Variants in ERP44 observed in about 807,000 individuals in gnomAD.
ERP44 encodes endoplasmic reticulum resident protein 44.
A neutral mutation model predicts 53.4 loss-of-function variants in ERP44; 25 were observed. The observed-to-expected ratio is 0.47, with a 90% CI of 0.34 to 0.65. The LOEUF is 0.65. Ranked by LOEUF, ERP44 falls within the 30% of genes least tolerant of loss-of-function variation. The probability of loss-of-function intolerance (pLI) is 0.01; values close to 1 mark genes in which losing one functional copy is unlikely to be tolerated. For synonymous variants in ERP44, 145 were observed against 161.2 expected (o/e 0.90, Z 0.76); for missense variants, 338 against 493.2 (o/e 0.69, Z 2.98).
At chr9:100,038,192 CACAG>C (rs930534843) in intron 4 of ERP44, among the ~76,000 whole-genome samples, 5 of 152,158 alleles carry the variant, frequency 3.3e-5, no homozygotes, top group African/African-American at 9.6e-5. Context: ...ATAGAAAGTA[CACAG>C]ACAAACAGAA....
chr9:100,016,176 T>A, intron 8 of ERP44, 146 bp downstream of exon 8: 8 of 1,251,138 alleles, frequency 6.4e-6, no homozygotes, highest in Non-Finnish European at 8.4e-6. Flanking sequence ...CACTGGTGTA[T>A]ATTACAGAAA....
chr9:100,085,010 T>A (rs1487172973), intron 1 of ERP44, among the ~76,000 whole-genome samples: 3 of 152,150 alleles, frequency 2.0e-5, no homozygotes, highest in Admixed American at 1.3e-4. Context: ...ATGGTACAAA[T>A]GAAGAAGAAA....
intron 1 of ERP44, among the ~76,000 whole-genome samples, chr9:100,079,749 C>G (rs1324637531): frequency 6.6e-6 from 1 of 151,954 alleles, no homozygotes; most frequent in Non-Finnish European, 1.5e-5. Flanking sequence ...GCCTAGTCAG[C>G]ACAGCAAGAC....
intron 4 of ERP44, among the ~76,000 whole-genome samples, chr9:100,033,264 C>T (rs552631447): frequency 5.3e-5 from 8 of 152,230 alleles, no homozygotes; most frequent in East Asian, 1.9e-4. Flanking sequence ...AAGGAATCAA[C>T]GTTGACTTGT....
chr9:100,009,916 A>T (rs1435646389), intron 8 of ERP44, among the ~76,000 whole-genome samples: 1 of 149,776 alleles, frequency 6.7e-6, no homozygotes, highest in Non-Finnish European at 1.5e-5. Flanking sequence ...CTCTCATTCC[A>T]CTCCATCCCT....
At chr9:100,011,956 GA>G (rs1830480720) in intron 8 of ERP44, among the ~76,000 whole-genome samples, 1 of 152,084 alleles carries the variant, frequency 6.6e-6, no homozygotes, top group African/African-American at 2.4e-5. Flanking sequence ...CTAAAACTCT[GA>G]AATGCTCCAA....
chr9:100,052,370 G>T, intron 4 of ERP44, 47 bp downstream of exon 4: 1 of 922,906 alleles, frequency 1.1e-6, no homozygotes, highest in Non-Finnish European at 1.6e-6. Context: ...GTGTGCCTGT[G>T]TTTGGGATGG....
intron 10 of ERP44, among the ~76,000 whole-genome samples, chr9:99,986,915 A>C (rs1830201249): frequency 6.6e-6 from 1 of 152,232 alleles, no homozygotes; most frequent in Admixed American, 6.5e-5. Flanking sequence ...AAATATATCC[A>C]TTCAATCCAT....
At chr9:100,005,991 G>C (rs1315374420) in intron 10 of ERP44, among the ~76,000 whole-genome samples, 4 of 152,118 alleles carry the variant, frequency 2.6e-5, no homozygotes, top group Non-Finnish European at 5.9e-5. Flanking sequence ...TCTGAGAATT[G>C]AGTCAGAAAG....
At chr9:100,022,994 C>T (rs1261314164) in intron 4 of ERP44, among the ~76,000 whole-genome samples, 1 of 152,050 alleles carries the variant, frequency 6.6e-6, no homozygotes, top group Non-Finnish European at 1.5e-5. Context: ...ACAACGGGAA[C>T]AACTGGTCAT....
intron 1 of ERP44, among the ~76,000 whole-genome samples, chr9:100,095,074 T>G (rs1041815754): frequency 2.0e-5 from 3 of 151,954 alleles, no homozygotes; most frequent in Admixed American, 1.3e-4. Context: ...CTTTACAGAT[T>G]TAGTTTTGGA....
intron 1 of ERP44, among the ~76,000 whole-genome samples, chr9:100,081,118 C>A (rs1053124927): frequency 2.6e-5 from 4 of 151,986 alleles, no homozygotes; most frequent in Admixed American, 2.6e-4. Context: ...TTTAACTGAT[C>A]TATTAAAAGT....
At chr9:100,073,427 T>G (rs899164895) in intron 1 of ERP44, among the ~76,000 whole-genome samples, 1 of 152,142 alleles carries the variant, frequency 6.6e-6, no homozygotes, top group Non-Finnish European at 1.5e-5. Context: ...AGACCTAGGT[T>G]TTGGTACCAG....
intron 2 of ERP44, among the ~76,000 whole-genome samples, chr9:100,058,964 T>C (rs143693873): frequency 1.3e-5 from 2 of 152,326 alleles, no homozygotes; most frequent in East Asian, 3.9e-4. Flanking sequence ...CAACATCACC[T>C]GGGAACTCAC....
chr9:100,037,930 T>A (rs1825861019), intron 4 of ERP44, among the ~76,000 whole-genome samples: 1 of 152,048 alleles, frequency 6.6e-6, no homozygotes, highest in African/African-American at 2.4e-5. Flanking sequence ...GAGGGTAGCA[T>A]GATATATTCA....
chr9:100,006,210 C>T (rs926327694), intron 10 of ERP44, among the ~76,000 whole-genome samples: 3 of 152,276 alleles, frequency 2.0e-5, no homozygotes, highest in Admixed American at 6.5e-5. Context: ...TAATTTCTCA[C>T]AAGACAAAAA....
At chr9:100,043,258 CAAAAAAAAAAAAAAAAAA>C (rs56066117) in intron 4 of ERP44, among the ~76,000 whole-genome samples, 2 of 20,266 alleles carry the variant, frequency 9.9e-5, no homozygotes, top group Non-Finnish European at 1.4e-4. Context: ...GACTCTGTCT[CAAAAAAAAAAAAAAAAAA>C]AAAAAAAAAA....
At chr9:100,013,054 A>G (rs909702019) in intron 8 of ERP44, among the ~76,000 whole-genome samples, 1 of 152,206 alleles carries the variant, frequency 6.6e-6, no homozygotes, top group Non-Finnish European at 1.5e-5. Context: ...CACAATGGTC[A>G]GTCCCAAAAG....
chr9:99,998,981 C>T (rs1830345644), intron 10 of ERP44: 15 of 1,395,704 alleles, frequency 1.1e-5, no homozygotes, highest in South Asian at 3.5e-5. Context: ...GATCTCAGGT[C>T]GGCGGCAAAG....
Sources: gnomAD v4.1 joint callset for allele counts (sites outside exome capture counted in the v4.1 genomes callset) on GRCh38, gnomAD v4.1.1 for gene constraint, MANE v1.5 for transcripts, NCBI Gene and HGNC (gene_info 2026-07-23, HGNC 2026-07-21) for gene names.